STK32B: variants seen among roughly 807,000 people sequenced by gnomAD.
STK32B encodes the protein serine/threonine-protein kinase 32B.
Under a neutral mutation model 52.6 loss-of-function variants are expected in STK32B, and 43 were observed. The ratio of observed to expected loss-of-function variants is 0.82; its 90% CI spans 0.64 to 1.05. The LOEUF (loss-of-function observed/expected upper bound fraction) is 1.05. STK32B is among the 50% of genes least tolerant of loss of function. The pLI, the probability that STK32B is intolerant of heterozygous loss-of-function variation, is 0.00. For synonymous variants in STK32B, 238 were observed against 204.3 expected (o/e 1.17, Z -1.41); for missense variants, 621 against 534.6 (o/e 1.16, Z -1.59).
intron 3 of STK32B, among the ~76,000 whole-genome samples, chr4:5,200,446 ATGT>A (rs1722044742): frequency 6.6e-6 from 1 of 152,064 alleles, no homozygotes; most frequent in Non-Finnish European, 1.5e-5. Context: ...AAAGTCCCCA[ATGT>A]TGTTTGCCAG....
chr4:5,050,881 G>C (rs566601119), upstream of STK32B, among the ~76,000 whole-genome samples: 1 of 152,294 alleles, frequency 6.6e-6, no homozygotes, highest in South Asian at 2.1e-4. Context: ...GCCCAATTTT[G>C]GGGGAATCCC....
chr4:5,207,297 G>A (rs1045021986), intron 3 of STK32B, among the ~76,000 whole-genome samples: 2 of 152,218 alleles, frequency 1.3e-5, no homozygotes, highest in African/African-American at 2.4e-5. Flanking sequence ...GTCATGAGAC[G>A]GACTCAGTGG....
chr4:5,298,762 C>A (rs1240617141), intron 3 of STK32B, among the ~76,000 whole-genome samples: 2 of 151,994 alleles, frequency 1.3e-5, no homozygotes, highest in East Asian at 3.9e-4. Context: ...GACCACTTGG[C>A]TCCCTCGCTT....
intron 1 of STK32B, 30 bp from the exon 2 acceptor site, chr4:5,139,875 A>C (rs750239661): frequency 1.2e-6 from 2 of 1,614,012 alleles, no homozygotes; most frequent in Non-Finnish European, 1.7e-6. Context: ...AGCAAATCTG[A>C]CTTGTTTCCT....
At chr4:5,055,206 C>T (rs1741953883) in intron 1 of STK32B, among the ~76,000 whole-genome samples, 1 of 152,020 alleles carries the variant, frequency 6.6e-6, no homozygotes, top group Admixed American at 6.6e-5. Context: ...CCTTCCATCT[C>T]AGCCTCCCAA....
intron 1 of STK32B, among the ~76,000 whole-genome samples, chr4:5,072,064 G>A (rs1010114292): frequency 6.6e-6 from 1 of 152,104 alleles, no homozygotes; most frequent in African/African-American, 2.4e-5. Context: ...GTAATTAATG[G>A]GAATACGGTG....
chr4:5,305,845 A>G (rs1225202418), intron 3 of STK32B, among the ~76,000 whole-genome samples: 2 of 152,102 alleles, frequency 1.3e-5, no homozygotes, highest in Non-Finnish European at 2.9e-5. Context: ...ATTTAATGCT[A>G]TGAGCTTTCC....
At chr4:5,096,273 G>A (rs1713386935) in intron 1 of STK32B, among the ~76,000 whole-genome samples, 1 of 152,170 alleles carries the variant, frequency 6.6e-6, no homozygotes, top group African/African-American at 2.4e-5. Flanking sequence ...AAAGGGAGTA[G>A]TATCTCAGTG....
chr4:5,335,064 CCTT>C (rs199501515), intron 4 of STK32B, among the ~76,000 whole-genome samples: 9,023 of 152,000 alleles, frequency 0.059, 538 homozygotes, highest in African/African-American at 0.16. Context: ...ACCAGTTCCT[CCTT>C]GTACCTCTGG....
chr4:5,447,034 A>T, intron 7 of STK32B: 2 of 356,776 alleles, frequency 5.6e-6, no homozygotes, highest in Admixed American at 8.1e-5. Context: ...CGGATCAGTG[A>T]CAAGTCAAAC....
chr4:5,368,309 T>TGAGAGC, intron 4 of STK32B, among the ~76,000 whole-genome samples: 1 of 128,280 alleles, frequency 7.8e-6, no homozygotes, highest in African/African-American at 2.8e-5. Flanking sequence ...TAATTATAAA[T>TGAGAGC]AATAAGGGCT....
At chr4:5,158,509 G>C (rs751175729) in intron 2 of STK32B, among the ~76,000 whole-genome samples, 4 of 152,128 alleles carry the variant, frequency 2.6e-5, no homozygotes, top group Middle Eastern at 3.4e-3. Flanking sequence ...TTATTCATTC[G>C]TTCGTAATTG....
At chr4:5,413,169 CTATTAA>C (rs1711852181) in intron 5 of STK32B, among the ~76,000 whole-genome samples, 1 of 152,282 alleles carries the variant, frequency 6.6e-6, no homozygotes, top group East Asian at 1.9e-4. Flanking sequence ...CCACAAGGCC[CTATTAA>C]TATTATCCCC....
intron 3 of STK32B, among the ~76,000 whole-genome samples, chr4:5,181,329 G>GACACACACACACACACACAC (rs751590603): frequency 7.2e-6 from 1 of 138,122 alleles, no homozygotes; most frequent in East Asian, 2.3e-4. Flanking sequence ...TGGAGAGTGA[G>GACACACACACACACACACAC]ACACACACAC....
rs768621058 is a variant in STK32B at position 5,168,488 on chromosome 4, C to T, written c.260+38C>T. On this transcript the variant is annotated intron_variant, in intron 3 of 11. Coordinates refer to ENST00000282908, the MANE Select transcript of STK32B (RefSeq NM_018401.3). The stretch of plus-strand genomic sequence containing the variant: ...CCATCCAGGGCTCCTGTGGGTTCCC[C>T]TGTGGGGAGCCAAATGCAAATTCGC... 5.7e-6 allele frequency: 9 copies of T among 1,571,714 alleles called. No individual in the cohort carries two copies. In the Admixed American group the frequency reaches 1.3e-4, roughly 22 times the overall value.
intron 6 of STK32B, among the ~76,000 whole-genome samples, chr4:5,425,598 G>C (rs2654504): frequency 0.47 from 68,985 of 146,838 alleles, 16,497 homozygotes; most frequent in South Asian, 0.67. Flanking sequence ...TTGTGAGGGA[G>C]ACAGTCAGTT....
rs762833671 is a variant in STK32B at position 5,378,818 on chromosome 4, C to T, written c.435-19389C>T. Among the ~76,000 whole-genome samples the T allele has an allele frequency of 1.3e-5, 2 of 152,106 alleles. No homozygotes were observed. The highest frequency in any genetic ancestry group is 1.3e-4 in the Admixed American group (2 of 15,260). ...GGGAGGGTTTCTTGGAGCCCCATCC[C>T]GAAGACTCGGGCTTCACTGCTGACT... On this transcript the variant is annotated intron_variant, in intron 4 of 11. Coordinates refer to ENST00000282908, the MANE Select transcript of STK32B (RefSeq NM_018401.3). This position sits in a 1 kb window ranked among gnomAD's most constrained non-coding sequence, Gnocchi z 4.4.
intron 3 of STK32B, among the ~76,000 whole-genome samples, chr4:5,186,651 G>C (rs1046786140): frequency 1.3e-5 from 2 of 152,168 alleles, no homozygotes; most frequent in Non-Finnish European, 2.9e-5. Context: ...CCAACACACA[G>C]AGATGGAGAA....
In STK32B at chr4:5,357,517, G is replaced by C. The variant is rs370964187; in HGVS notation, c.434+26124G>C. Among the ~76,000 whole-genome samples, 61 of 151,932 alleles carry C rather than the reference G, an allele frequency of 4.0e-4. No homozygotes were observed. The East Asian group carries it at 5.6e-3, about 14-fold the overall frequency. On this transcript the variant is annotated intron_variant, in intron 4 of 11. Transcript: ENST00000282908. ...CTTTTAGGAGATGATGACCCAGATTGGGTTTTGCATTTTGAGGGAAGGGGA... is the reference window on the plus strand; with the variant it reads ...CTTTTAGGAGATGATGACCCAGATTCGGTTTTGCATTTTGAGGGAAGGGGA...
Sources: gnomAD v4.1 joint callset for allele counts (sites outside exome capture counted in the v4.1 genomes callset) on GRCh38, gnomAD v4.1.1 for gene constraint, Gnocchi (gnomAD v3.1) non-coding constraint, MANE v1.5 for transcripts, NCBI Gene and HGNC (gene_info 2026-07-23, HGNC 2026-07-21) for gene names.